The following VPS13B variants were observed in gnomAD, a reference collection of about 807,000 sequenced individuals.
VPS13B encodes intermembrane lipid transfer protein VPS13B.
In VPS13B, 285 loss-of-function variants were observed where a neutral mutation model predicts 426.4. That is an observed-to-expected ratio of 0.67 (90% CI 0.61 to 0.74). VPS13B has a LOEUF of 0.74. Among genes scored for constraint, VPS13B ranks in the 30% least tolerant of loss-of-function variants. The pLI, the probability that VPS13B is intolerant of heterozygous loss-of-function variation, is 0.00. For missense variants in VPS13B, 4,537 were observed against 4,782.6 expected, an observed-to-expected ratio of 0.95 and a Z score of 1.51; for synonymous variants, 1,676 against 1,676.4, an observed-to-expected ratio of 1.00 and a Z score of 0.01.
Position 99,384,280 on chromosome 8 carries a change from A to G in VPS13B, c.2897A>G (p.Tyr966Cys), listed in dbSNP as rs779809192. The G allele has an allele frequency of 6.8e-6, 11 of 1,614,010 alleles. No individual in the cohort carries two copies. Among genetic ancestry groups the G allele is most frequent in the Middle Eastern group, 1.7e-4 (1 of 6,058 alleles). ...CCAATCTTATATACGTGGCTCATCT[A>G]TCAGCCTCAGAAACGAACAAGTAGA... ...IDPILYTWLI[Y>C]QPQKRTSRHM... is the part of the protein sequence containing the mutation. The change falls in exon 20 of 62, where the codon TAT becomes TGT. Residue 966 changes from tyrosine to cysteine, a missense_variant. By Grantham distance (194) the Tyr-to-Cys change is radical. This residue lies in a region of VPS13B where 4,311 missense variants were observed against 4,474.3 expected (regional missense o/e 0.96). Coordinates refer to ENST00000357162, the MANE Select transcript of VPS13B (RefSeq NM_152564.5).
chr8:99,104,918 A>G (rs1846962732), intron 5 of VPS13B, among the ~76,000 whole-genome samples: 1 of 152,114 alleles, frequency 6.6e-6, no homozygotes, highest in Non-Finnish European at 1.5e-5. Flanking sequence ...AGCCACCATG[A>G]TAGCCCTGGA....
At chr8:99,495,415 G>A (rs1820833499) in intron 25 of VPS13B, among the ~76,000 whole-genome samples, 1 of 152,048 alleles carries the variant, frequency 6.6e-6, no homozygotes, top group South Asian at 2.1e-4. Flanking sequence ...TCTGGTATCT[G>A]AACTTCTTTA....
intron 33 of VPS13B, among the ~76,000 whole-genome samples, chr8:99,627,944 A>G (rs1828685358): frequency 6.6e-6 from 1 of 152,166 alleles, no homozygotes; most frequent in South Asian, 2.1e-4. Flanking sequence ...CTGTTCCATT[A>G]ACCCATAAGA....
chr8:99,666,755 C>T (rs893208951), intron 35 of VPS13B, among the ~76,000 whole-genome samples: 27 of 152,056 alleles, frequency 1.8e-4, no homozygotes, highest in Admixed American at 1.6e-3. Flanking sequence ...ACACAAGACA[C>T]GGATGCCCCC....
At chr8:99,723,502 C>T (rs753570793) in intron 39 of VPS13B, among the ~76,000 whole-genome samples, 4 of 151,930 alleles carry the variant, frequency 2.6e-5, no homozygotes, top group Admixed American at 1.3e-4. Flanking sequence ...ATCTGAAATC[C>T]AACACTTCTG....
chr8:99,718,081 G>T (rs1832993101), intron 37 of VPS13B, among the ~76,000 whole-genome samples: 1 of 151,080 alleles, frequency 6.6e-6, no homozygotes, highest in African/African-American at 2.4e-5. Flanking sequence ...TTTTTTTATG[G>T]GTAGACTTTT....
chr8:99,051,432 G>A (rs1364529025), intron 3 of VPS13B, among the ~76,000 whole-genome samples: 5 of 151,454 alleles, frequency 3.3e-5, no homozygotes, highest in Non-Finnish European at 7.4e-5. Context: ...GGTTACTGTA[G>A]CCTTGTAGTA....
At chr8:99,318,393 T>C (rs1809786104) in intron 19 of VPS13B, among the ~76,000 whole-genome samples, 1 of 151,950 alleles carries the variant, frequency 6.6e-6, no homozygotes, top group African/African-American at 2.4e-5. Context: ...TTCCAGTTTA[T>C]CTATTCCTGT....
intron 19 of VPS13B, among the ~76,000 whole-genome samples, chr8:99,285,245 T>A (rs1223301431): frequency 6.6e-6 from 1 of 152,176 alleles, no homozygotes; most frequent in Admixed American, 6.6e-5. Flanking sequence ...CAGGAACAGT[T>A]GCAATAGCAA....
At chr8:99,271,338 A>G (rs968435488) in intron 17 of VPS13B, among the ~76,000 whole-genome samples, 1 of 152,142 alleles carries the variant, frequency 6.6e-6, no homozygotes, top group African/African-American at 2.4e-5. Flanking sequence ...TCTGTTAAAA[A>G]TGCTTTAAAA....
intron 3 of VPS13B, among the ~76,000 whole-genome samples, chr8:99,083,067 C>T (rs892785866): frequency 1.3e-5 from 2 of 152,120 alleles, no homozygotes; most frequent in Non-Finnish European, 2.9e-5. Context: ...TGGCCATTTT[C>T]ATGATATTGA....
chr8:99,251,557 A>G (rs1291552911), intron 17 of VPS13B, among the ~76,000 whole-genome samples: 3 of 152,202 alleles, frequency 2.0e-5, no homozygotes, highest in Admixed American at 1.3e-4. Context: ...TACAAACACA[A>G]TAACACATCG....
At chr8:99,588,173 T>C (rs1265226839) in intron 33 of VPS13B, among the ~76,000 whole-genome samples, 1 of 151,418 alleles carries the variant, frequency 6.6e-6, no homozygotes, top group Non-Finnish European at 1.5e-5. Flanking sequence ...TCTGTTCCAT[T>C]GGACTATCTG....
chr8:99,618,451 AG>A (rs1247405975), intron 33 of VPS13B, among the ~76,000 whole-genome samples: 1 of 152,240 alleles, frequency 6.6e-6, no homozygotes, highest in African/African-American at 2.4e-5. Flanking sequence ...CAAAAGCACA[AG>A]GAAAAATACT....
chr8:99,326,917 A>C (rs942488119), intron 19 of VPS13B, among the ~76,000 whole-genome samples: 1 of 152,146 alleles, frequency 6.6e-6, no homozygotes, highest in Non-Finnish European at 1.5e-5. Context: ...ACCACTTTGA[A>C]TTAAGTTGTT....
intron 39 of VPS13B, among the ~76,000 whole-genome samples, chr8:99,765,112 G>A (rs2130612811): frequency 6.6e-6 from 1 of 152,216 alleles, no homozygotes; most frequent in East Asian, 1.9e-4. Flanking sequence ...TGGGCGTGAT[G>A]GTGCATGCCT....
intron 58 of VPS13B, 156 bp from the exon 59 acceptor site, chr8:99,868,133 G>A: frequency 2.4e-6 from 2 of 837,760 alleles, no homozygotes; most frequent in South Asian, 1.5e-5. Flanking sequence ...TGCCCTTGGT[G>A]TACTTAGATA....
At chr8:99,388,186 G>A (rs537348781) in intron 20 of VPS13B, among the ~76,000 whole-genome samples, 1 of 152,240 alleles carries the variant, frequency 6.6e-6, no homozygotes, top group South Asian at 2.1e-4. Flanking sequence ...ATGTGTGTCT[G>A]TAAGTGAATG....
chr8:99,503,084 T>G lies in VPS13B; in HGVS notation c.4157+134T>G, dbSNP rs566842427. 3.3e-5 allele frequency: 22 copies of G among 657,476 alleles called. No homozygotes were observed. In the East Asian group the frequency reaches 5.8e-4, roughly 17 times the overall value. The allele number at this position is 657,476 out of a possible 1,614,324, so 40.7% of individuals were successfully genotyped here. A position where few individuals can be genotyped will look rare whatever the true frequency, so the allele number is the denominator to read the frequency against. ...AGGCATACCTCGGACATATTGAGAGTTTGGCTCCAGACTATTCCAATAAAG... is the reference window on the plus strand; with the variant it reads ...AGGCATACCTCGGACATATTGAGAGGTTGGCTCCAGACTATTCCAATAAAG... On this transcript the variant is annotated intron_variant, in intron 27 of 61. Transcript: ENST00000357162.
Sources: allele counts gnomAD v4.1 joint callset (sites outside exome capture counted in the v4.1 genomes callset), GRCh38; gene constraint gnomAD v4.1.1; regional missense constraint gnomAD v4.1.1; transcripts MANE v1.5; gene names NCBI Gene and HGNC (gene_info 2026-07-23, HGNC 2026-07-21).